The following RBM47 variants were observed in gnomAD, a reference collection of about 807,000 sequenced individuals.
RBM47 encodes RNA-binding protein 47.
A neutral mutation model predicts 47.1 loss-of-function variants in RBM47; 21 were observed. The ratio of observed to expected loss-of-function variants is 0.45; its 90% confidence interval spans 0.32 to 0.64. The LOEUF (loss-of-function observed/expected upper bound fraction) is 0.64, where lower values mean the gene tolerates loss of function less well. RBM47 is among the 30% of genes least tolerant of loss of function. The pLI, the probability that RBM47 is intolerant of heterozygous loss-of-function variation, is 0.05. For synonymous variants in RBM47, 375 were observed against 361.7 expected (o/e 1.04, Z -0.42); for missense variants, 708 against 870.9 (o/e 0.81, Z 2.35).
At chr4:40,601,943 TG>T (rs1735318378) in intron 1 of RBM47, among the ~76,000 whole-genome samples, 1 of 150,966 alleles carries the variant, frequency 6.6e-6, no homozygotes, top group African/African-American at 2.4e-5. Context: ...CCAATGTGGG[TG>T]GAGAGCTTGA....
intron 2 of RBM47, among the ~76,000 whole-genome samples, chr4:40,514,325 A>C (rs1011336524): frequency 6.6e-6 from 1 of 152,096 alleles, no homozygotes; most frequent in African/African-American, 2.4e-5. Context: ...CAAAACCAAA[A>C]ACAGCATTTG....
At chr4:40,520,191 T>C (rs958754698) in intron 2 of RBM47, among the ~76,000 whole-genome samples, 9 of 152,238 alleles carry the variant, frequency 5.9e-5, no homozygotes, top group African/African-American at 1.4e-4. Flanking sequence ...CCCCGTGTTC[T>C]ATACGGCACT....
In RBM47 at chr4:40,600,997, A is replaced by AG. The variant is rs1735227328; in HGVS notation, c.-240+28398_-240+28399insC. ...TGAAACTCCGTCTCAAAAAAAAAAA[A>AG]AAAAAGAAAGAAGAACATAAAAAAG... On this transcript the variant is annotated intron_variant, in intron 1 of 6. Coordinates refer to ENST00000295971, the MANE Select transcript of RBM47 (RefSeq NM_001098634.2). Among the ~76,000 whole-genome samples, 2 of 150,486 alleles carry AG rather than the reference A, an allele frequency of 1.3e-5. 1 individual carries two copies. Among genetic ancestry groups the AG allele is most frequent in the African/African-American group, 4.9e-5 (2 of 40,986 alleles).
At chr4:40,427,347 G>C (rs1156794517) in intron 6 of RBM47, 2 of 152,208 alleles carry the variant, frequency 1.3e-5, no homozygotes, top group African/African-American at 2.4e-5. Flanking sequence ...AGTGGGCAAG[G>C]ACAAGCTAAG....
chr4:40,541,417 G>A (rs914733030), intron 2 of RBM47, among the ~76,000 whole-genome samples: 4 of 152,084 alleles, frequency 2.6e-5, no homozygotes, highest in Non-Finnish European at 5.9e-5. Context: ...GCCAAAGGGC[G>A]CCAGCTCAGC....
intron 1 of RBM47, among the ~76,000 whole-genome samples, chr4:40,566,004 G>C (rs905464040): frequency 6.6e-6 from 1 of 151,982 alleles, no homozygotes; most frequent in African/African-American, 2.4e-5. Context: ...GGAGGTTAAG[G>C]CTGCAGTGAA....
Position 40,438,828 on chromosome 4 carries a change from C to T in RBM47, c.66G>A (p.Val22=). 2 of 1,557,360 alleles carry T rather than the reference C, an allele frequency of 1.3e-6. No individual in the cohort carries two copies. The highest frequency in any genetic ancestry group is 1.7e-6 in the Non-Finnish European group (2 of 1,156,810). Reference sequence around the variant, plus strand: ...TGGGCGCGCCCGCCACGCCCTCGGGCACCTTGGCGGAGGACCCGGCGGCCG... The same window carrying T: ...TGGGCGCGCCCGCCACGCCCTCGGGTACCTTGGCGGAGGACCCGGCGGCCG... ...SDSAAGSSAK[V]PEGVAGAPNE... Residue 22 remains valine (V), a synonymous_variant, in exon 4 of 7, where the codon GTG becomes GTA. Coordinates refer to ENST00000295971, the MANE Select transcript of RBM47 (RefSeq NM_001098634.2).
At chr4:40,506,695 G>T (rs1208853793) in intron 2 of RBM47, among the ~76,000 whole-genome samples, 3 of 152,124 alleles carry the variant, frequency 2.0e-5, no homozygotes, top group Non-Finnish European at 4.4e-5. Flanking sequence ...TGAGTGCCAG[G>T]GACATTTGTA....
intron 1 of RBM47, among the ~76,000 whole-genome samples, chr4:40,627,611 T>C (rs1031218477): frequency 1.3e-5 from 2 of 152,230 alleles, no homozygotes; most frequent in African/African-American, 4.8e-5. Flanking sequence ...AGAAAATAAT[T>C]TCATCTTAAC....
Position 40,426,092 on chromosome 4 carries a change from G to A in RBM47, c.1594C>T (p.Pro532Ser). 6.2e-7 allele frequency: 1 copy of A among 1,614,206 alleles called. No individual in the cohort carries two copies. Among genetic ancestry groups the A allele is most frequent in the East Asian group, 2.2e-5 (1 of 44,890 alleles). The change falls in exon 7 of 7, where the codon CCT (proline) becomes TCT (serine). Residue 532 changes from proline to serine, a missense_variant. Coordinates refer to ENST00000295971, the MANE Select transcript of RBM47 (RefSeq NM_001098634.2). ...YTVAPNVQRI[P>S]TAGIYGASYV... The stretch of plus-strand genomic sequence containing the variant: ...CTGGCCCCGTAGATCCCGGCAGTAG[G>A]AATTCTCTGAACGTTTGGAGCCACC...
At chr4:40,596,281 G>GGA (rs769951290) in intron 1 of RBM47, among the ~76,000 whole-genome samples, 12 of 152,196 alleles carry the variant, frequency 7.9e-5, no homozygotes, top group Non-Finnish European at 1.8e-4. Flanking sequence ...AGAGGTGGGA[G>GGA]GAGAAAGGTG....
At chr4:40,464,890 CAAAAAAAAAAAAA>C (rs71646997) in intron 3 of RBM47, among the ~76,000 whole-genome samples, 3 of 32,082 alleles carry the variant, frequency 9.4e-5, no homozygotes, top group African/African-American at 2.9e-4. Context: ...GACTCTGTCT[CAAAAAAAAAAAAA>C]AAAAAAAAAA....
chr4:40,552,380 A>C (rs1428635002), intron 1 of RBM47, among the ~76,000 whole-genome samples: 1 of 150,866 alleles, frequency 6.6e-6, no homozygotes, highest in Non-Finnish European at 1.5e-5. Flanking sequence ...CCTGGGCGAC[A>C]GAGTGAGACT....
At chr4:40,426,279 A>C (rs1268382164) in intron 6 of RBM47, 136 bp from the exon 7 acceptor site, 2 of 1,149,594 alleles carry the variant, frequency 1.7e-6, no homozygotes, top group Non-Finnish European at 2.4e-6. Flanking sequence ...GGGGCGGGCA[A>C]ACAGCAATTA....
chr4:40,437,090 A>AAATAT (rs1256296949), intron 4 of RBM47, among the ~76,000 whole-genome samples: 2 of 49,852 alleles, frequency 4.0e-5, no homozygotes, highest in African/African-American at 2.2e-4. Context: ...AAAAAAAAAA[A>AAATAT]ATATATATAT....
At chr4:40,578,508 G>A (rs1054761140) in intron 1 of RBM47, among the ~76,000 whole-genome samples, 5 of 152,170 alleles carry the variant, frequency 3.3e-5, no homozygotes, top group Non-Finnish European at 7.3e-5. Flanking sequence ...ATAGACAATT[G>A]TAGAATAAAT....
At chr4:40,441,730 T>C (rs1051276996) in intron 3 of RBM47, among the ~76,000 whole-genome samples, 1 of 152,210 alleles carries the variant, frequency 6.6e-6, no homozygotes, top group Non-Finnish European at 1.5e-5. Flanking sequence ...AAAACAGTCT[T>C]ACAGTAGTCA....
At chr4:40,566,384 T>A (rs555189438) in intron 1 of RBM47, among the ~76,000 whole-genome samples, 1 of 152,238 alleles carries the variant, frequency 6.6e-6, no homozygotes, top group South Asian at 2.1e-4. Flanking sequence ...CAGTGGCTCA[T>A]GCCTGTAATC....
intron 1 of RBM47, among the ~76,000 whole-genome samples, chr4:40,600,183 T>TG (rs1161691395): frequency 6.6e-6 from 1 of 151,458 alleles, no homozygotes; most frequent in Non-Finnish European, 1.5e-5. Context: ...TTTATGAATT[T>TG]TTTTTTTTTT....
Sources: allele counts gnomAD v4.1 joint callset (sites outside exome capture counted in the v4.1 genomes callset), GRCh38; gene constraint gnomAD v4.1.1; transcripts MANE v1.5; gene names NCBI Gene and HGNC (gene_info 2026-07-23, HGNC 2026-07-21).